The following C2orf78 variants were observed in gnomAD, a reference collection of about 807,000 sequenced individuals.
The protein encoded by C2orf78 is uncharacterized protein C2orf78.
In C2orf78, 12 loss-of-function variants were observed where a neutral mutation model predicts 21.4. The ratio of observed to expected loss-of-function variants is 0.56; its 90% CI spans 0.36 to 0.91. The LOEUF is 0.91. Among genes scored for constraint, C2orf78 ranks in the 40% least tolerant of loss-of-function variants. The pLI is 0.01. For synonymous variants in C2orf78, 396 were observed against 413.9 expected, an observed-to-expected ratio of 0.96 and a Z score of 0.52; for missense variants, 1,042 against 1,092.4, an observed-to-expected ratio of 0.95 and a Z score of 0.65.
At chr2:73,816,042 C>T (rs376718778) in exon 3 of C2orf78, 78 of 1,613,712 alleles carry the variant, frequency 4.8e-5, no homozygotes, top group Non-Finnish European at 6.1e-5. Context: ...CAATATGAAA[C>T]GGAAGAAAAA....
intron 1 of C2orf78, among the ~76,000 whole-genome samples, chr2:73,807,015 C>CA (rs1396051551): frequency 7.0e-6 from 1 of 142,218 alleles, no homozygotes; most frequent in South Asian, 2.2e-4. Flanking sequence ...CCCGTCTCTA[C>CA]AAAAAAATAC....
chr2:73,813,349 G>T, intron 1 of C2orf78, 128 bp from the exon 2 acceptor site: 3 of 950,038 alleles, frequency 3.2e-6, no homozygotes, highest in Non-Finnish European at 4.6e-6. Flanking sequence ...TTTGGCTTTT[G>T]GTATCTCAGT....
chr2:73,815,727 A>T, exon 3 of C2orf78: 1 of 1,613,726 alleles, frequency 6.2e-7, no homozygotes, highest in Non-Finnish European at 8.5e-7. Flanking sequence ...AGTCAGGAAG[A>T]ACAAGCATAA....
At chr2:73,812,198 A>G (rs978749103) in intron 1 of C2orf78, among the ~76,000 whole-genome samples, 12 of 152,332 alleles carry the variant, frequency 7.9e-5, no homozygotes, top group African/African-American at 2.9e-4. Context: ...TTCACTAAGA[A>G]AGAGTAGATA....
intron 1 of C2orf78, among the ~76,000 whole-genome samples, chr2:73,809,149 G>T (rs1673020243): frequency 6.6e-6 from 1 of 151,956 alleles, no homozygotes; most frequent in Non-Finnish European, 1.5e-5. Flanking sequence ...ATTCCCCCTG[G>T]CCTTTTTCTT....
chr2:73,785,826 C>A (rs1672916061), intron 1 of C2orf78, among the ~76,000 whole-genome samples: 1 of 151,902 alleles, frequency 6.6e-6, no homozygotes, highest in East Asian at 1.9e-4. Context: ...GTGGGCTGAT[C>A]ACCTGAGGTC....
intron 1 of C2orf78, among the ~76,000 whole-genome samples, chr2:73,810,647 TG>T (rs1673065148): frequency 2.2e-5 from 3 of 136,238 alleles, no homozygotes; most frequent in African/African-American, 8.4e-5. Flanking sequence ...GTATATTTTA[TG>T]TATATATCTA....
At chr2:73,808,550 C>T (rs1673006051) in intron 1 of C2orf78, among the ~76,000 whole-genome samples, 1 of 150,068 alleles carries the variant, frequency 6.7e-6, no homozygotes. Context: ...GATTTCACCT[C>T]CCCAGAGCTC....
chr2:73,813,692 A>G (rs1673132894), exon 2 of C2orf78: 1 of 1,613,888 alleles, frequency 6.2e-7, no homozygotes, highest in Non-Finnish European at 8.5e-7. Context: ...TTCTAGCACA[A>G]CTATGTTGTC....
chr2:73,815,720 C>A, exon 3 of C2orf78: 1 of 1,613,648 alleles, frequency 6.2e-7, no homozygotes, highest in South Asian at 1.1e-5. Flanking sequence ...CTGATCAAGT[C>A]AGGAAGAACA....
chr2:73,812,836 G>C (rs1401783097), intron 1 of C2orf78, among the ~76,000 whole-genome samples: 1 of 152,136 alleles, frequency 6.6e-6, no homozygotes, highest in Non-Finnish European at 1.5e-5. Context: ...CCAATGGCCT[G>C]GGTTAAATAT....
chr2:73,815,296 A>G, exon 3 of C2orf78: 1 of 1,613,958 alleles, frequency 6.2e-7, no homozygotes, highest in Non-Finnish European at 8.5e-7. Flanking sequence ...GAAAAAAATG[A>G]GAATGAGAAT....
chr2:73,816,604 C>G (rs897199961), exon 3 of C2orf78: 7 of 1,612,954 alleles, frequency 4.3e-6, no homozygotes, highest in Non-Finnish European at 5.9e-6. Context: ...GCAACCCAAC[C>G]CAGTTCAGCC....
Position 73,808,061 on chromosome 2 carries a change from T to C in C2orf78, c.98-5416T>C, listed in dbSNP as rs181578987. On this transcript the variant is annotated intron_variant, in intron 1 of 2. Transcript: ENST00000409561. ...ACAAGGTCAGGTGATCGAACCATCC[T>C]GGCTAACAGGGTGAAACCCTGTCCC... Among the ~76,000 whole-genome samples, 106 of 151,224 alleles carry C rather than the reference T, an allele frequency of 7.0e-4. 1 individual carries two copies. The East Asian group carries it at 0.016, about 23-fold the overall frequency.
exon 3 of C2orf78, chr2:73,817,024 C>T (rs374844399): frequency 1.3e-5 from 21 of 1,570,056 alleles, no homozygotes; most frequent in African/African-American, 6.8e-5. Flanking sequence ...CTTTGGATAC[C>T]GCTGGTTTTC....
chr2:73,810,199 G>T (rs1472737634), intron 1 of C2orf78, among the ~76,000 whole-genome samples: 2 of 152,012 alleles, frequency 1.3e-5, no homozygotes, highest in Non-Finnish European at 2.9e-5. Context: ...TTTGAACATA[G>T]ATGACACTTG....
exon 3 of C2orf78, chr2:73,815,644 C>A: frequency 1.2e-6 from 2 of 1,613,876 alleles, no homozygotes; most frequent in Non-Finnish European, 1.7e-6. Context: ...GCAAAGAAAG[C>A]CAAAGATACC....
rs144344211 is a variant in C2orf78, at chr2:73,786,033, G to C, written c.97+1627G>C. On this transcript the variant is annotated intron_variant, in intron 1 of 2. Coordinates refer to ENST00000409561, the Ensembl canonical transcript of C2orf78. ...TGCACTCCAGCCTGGGCAATAAGAG[G>C]GAAACTCCGCTTCAAAAAGAAAAAA... 2.2e-3 allele frequency among the ~76,000 whole-genome samples: 328 copies of C among 151,464 alleles called. 5 individuals are homozygous for C. Among genetic ancestry groups the C allele is most frequent in the East Asian group, 0.013 (66 of 5,108 alleles).
chr2:73,814,352 T>C, intron 2 of C2orf78, 126 bp downstream of exon 2: 1 of 1,077,484 alleles, frequency 9.3e-7, no homozygotes, highest in Non-Finnish European at 1.3e-6. Flanking sequence ...CACTATTCTT[T>C]GGCAGTGCTC....
Sources: gnomAD v4.1 joint callset for allele counts (sites outside exome capture counted in the v4.1 genomes callset) on GRCh38, gnomAD v4.1.1 for gene constraint, MANE v1.5 for transcripts, NCBI Gene and HGNC (gene_info 2026-07-23, HGNC 2026-07-21) for gene names.